ARSD: variants seen among roughly 807,000 people sequenced by gnomAD.
The protein encoded by ARSD is testis tissue sperm-binding protein Li 39a.
A neutral mutation model predicts 32.6 loss-of-function variants in ARSD; 21 were observed. The observed-to-expected ratio is 0.64, with a 90% CI of 0.46 to 0.93. ARSD has a LOEUF of 0.93. Among genes scored for constraint, ARSD ranks in the 40% least tolerant of loss-of-function variants. The pLI, the probability that ARSD is intolerant of heterozygous loss-of-function variation, is 0.00. For synonymous variants in ARSD, 224 were observed against 237.4 expected, an observed-to-expected ratio of 0.94 and a Z score of 0.52; for missense variants, 454 against 520.9, an observed-to-expected ratio of 0.87 and a Z score of 1.25.
chrX:2,908,473 CATCT>C lies in ARSD; in HGVS notation c.1420+244_1420+247del, dbSNP rs780518950. 3.7e-3 allele frequency among the ~76,000 whole-genome samples: 395 copies of C among 107,634 alleles called. 5 individuals are homozygous for C. Among genetic ancestry groups the C allele is most frequent in the African/African-American group, 0.013 (378 of 29,473 alleles). The allele number at this position is 107,634 out of a possible 115,157, so 93.5% of individuals were successfully genotyped here. On this transcript the variant is annotated intron_variant, in intron 9 of 9. Transcript: ENST00000381154. ...TATCTTATCTATCCATCATCCATCT[CATCT>C]ATCTATCTATCCATCATCTATCCAT... is the stretch of plus-strand genomic sequence containing the variant.
chrX:2,913,521 C>T (rs759736818), intron 6 of ARSD: 3 of 975,243 alleles, frequency 3.1e-6, no homozygotes, highest in Non-Finnish European at 2.7e-6. Context: ...CCAATCCCGC[C>T]CTATCACTAT....
chrX:2,909,102 A>ACACACACACC lies in ARSD; in HGVS notation c.1299-261_1299-260insGGTGTGTGTG, dbSNP rs1264670973. On this transcript the variant is annotated intron_variant, in intron 8 of 9. Transcript: ENST00000381154. ...AGTGCACACACACACACACACACAC[A>ACACACACACC]CCCCAACACACAGCACTGTCACCTT... Among the ~76,000 whole-genome samples the ACACACACACC allele has an allele frequency of 8.1e-5, 9 of 110,572 alleles. No individual in the cohort carries two copies. In the South Asian group the frequency reaches 1.5e-3, roughly 19 times the overall value.
chrX:2,923,369 G>C (rs192289053), intron 2 of ARSD: 1 of 176,717 alleles, frequency 5.7e-6, no homozygotes, highest in African/African-American at 3.1e-5. Flanking sequence ...AGCTACTCAG[G>C]AGGCTGAGGT....
intron 4 of ARSD, among the ~76,000 whole-genome samples, chrX:2,918,772 A>T (rs748014426): frequency 3.6e-5 from 4 of 110,669 alleles, no homozygotes; most frequent in African/African-American, 6.6e-5. Context: ...AGTAAAAATT[A>T]AAAAAAGTGA....
At chrX:2,918,918 A>C (rs2089002877) in intron 4 of ARSD, among the ~76,000 whole-genome samples, 1 of 110,210 alleles carries the variant, frequency 9.1e-6, no homozygotes, top group Non-Finnish European at 1.9e-5. Context: ...GTTCGAGACC[A>C]GCCTGGCCAA....
chrX:2,907,806 G>C (rs1313895978), intron 9 of ARSD, 174 bp from the exon 10 acceptor site: 1 of 1,016,094 alleles, frequency 9.8e-7, no homozygotes, highest in East Asian at 3.7e-5. Flanking sequence ...CAGAGCATGT[G>C]TGTGTGCGCG....
intron 2 of ARSD, among the ~76,000 whole-genome samples, chrX:2,924,578 T>G (rs1420200609): frequency 8.8e-6 from 1 of 113,331 alleles, no homozygotes; most frequent in Non-Finnish European, 1.9e-5. Flanking sequence ...TAGAGGCTAC[T>G]ACTCTGTGTT....
At position 2,917,878 on chromosome X, in the gene ARSD, G is replaced by A. The variant is rs765200568; in HGVS notation, c.789C>T (p.Asp263=). Residue 263 remains aspartate (D), a synonymous_variant, in exon 5 of 10, where the codon GAC becomes GAT. Transcript: ENST00000381154. ...CCAGAACCATGGGTTGCTCCGTGAC[G>A]TCATGGTTTCTCATCAGGATACAGT... ...RWNCILMRNH[D]VTEQPMVLEK... 1.2e-4 allele frequency: 148 copies of A among 1,210,700 alleles called. No individual in the cohort carries two copies. Among genetic ancestry groups the A allele is most frequent in the Non-Finnish European group, 1.6e-4 (144 of 895,176 alleles).
chrX:2,918,405 G>A (rs1284442093), intron 4 of ARSD, among the ~76,000 whole-genome samples, 178 bp from the exon 5 acceptor site: 7 of 112,848 alleles, frequency 6.2e-5, no homozygotes, highest in Non-Finnish European at 9.4e-5. Context: ...ATTCTGATCC[G>A]TGAAGACTAA....
intron 6 of ARSD, chrX:2,914,455 G>C (rs1168286209): frequency 2.9e-6 from 2 of 701,547 alleles, no homozygotes; most frequent in Non-Finnish European, 3.6e-6. Context: ...GCCCAGGCTG[G>C]TCTTGAACTC....
chrX:2,904,615 G>A lies in ARSD; in HGVS notation c.*2656C>T, dbSNP rs771030579. The A allele has an allele frequency of 1.7e-5, 2 of 117,348 alleles. No individual in the cohort carries two copies. Among genetic ancestry groups the A allele is most frequent in the East Asian group, 5.5e-4 (2 of 3,626 alleles). 9.7% of individuals were successfully genotyped at this position (117,348 alleles called of 1,213,427 possible). On this transcript the variant is annotated 3_prime_UTR_variant, in exon 10 of 10. Coordinates refer to ENST00000381154, the MANE Select transcript of ARSD (RefSeq NM_001669.4). ...CTGGAATGTCTATGTGCCATCTGGA[G>A]CTATGGCAGCCTTCTTGCAACCATG...
At chrX:2,913,851 G>T in intron 6 of ARSD, 1 of 534,230 alleles carries the variant, frequency 1.9e-6, no homozygotes, top group Non-Finnish European at 2.5e-6. Context: ...TCTCATGAAT[G>T]GTTGAGCACC....
In ARSD at chrX:2,908,636, A is replaced by G; in HGVS notation, c.1420+85T>C. 3 of 964,914 alleles carry G rather than the reference A, an allele frequency of 3.1e-6. No individual in the cohort carries two copies. In the South Asian group the frequency reaches 7.6e-5, roughly 24 times the overall value. 79.5% of individuals were successfully genotyped at this position (964,914 alleles called of 1,213,427 possible). On this transcript the variant is annotated intron_variant, in intron 9 of 9. Coordinates refer to ENST00000381154, the MANE Select transcript of ARSD (RefSeq NM_001669.4). The stretch of plus-strand genomic sequence containing the variant: ...CATCCATCCATCCATCCATTCATCC[A>G]TCCATCCATCCATCCATCCACATAT...
intron 8 of ARSD, 40 bp downstream of exon 8, chrX:2,909,777 T>G (rs765158997): frequency 4.6e-6 from 5 of 1,093,934 alleles, no homozygotes; most frequent in Admixed American, 6.6e-5. Flanking sequence ...TAAAAACAAT[T>G]AAAAAAAATC....
At chrX:2,928,718 G>A (rs1383083586) in intron 1 of ARSD, among the ~76,000 whole-genome samples, 1 of 80,718 alleles carries the variant, frequency 1.2e-5, no homozygotes, top group African/African-American at 4.8e-5. Context: ...AGTGGGGCGG[G>A]CAAGGCTACG....
intron 6 of ARSD, chrX:2,913,395 C>T: frequency 2.2e-6 from 1 of 454,272 alleles, no homozygotes; most frequent in Non-Finnish European, 2.7e-6. Flanking sequence ...CCCCCTCTTC[C>T]CGTTATGGCA....
rs979709523 is a variant in ARSD at position 2,922,126 on chromosome X, C to T, written c.195-102G>A. The T allele has an allele frequency of 7.9e-6, 8 of 1,009,463 alleles. No individual in the cohort carries two copies. In the African/African-American group the frequency reaches 9.6e-5, roughly 12 times the overall value. The allele number at this position is 1,009,463 out of a possible 1,213,427, so 83.2% of individuals were successfully genotyped here. A position where few individuals can be genotyped will look rare whatever the true frequency, so the allele number is the denominator to read the frequency against. On this transcript the variant is annotated intron_variant, in intron 2 of 9. Transcript: ENST00000381154. ...ACAGGAATAGCTGCAAGGACTTCAC[C>T]GGATTTCAGAATTAGTTGCATTATG... is the stretch of plus-strand genomic sequence containing the variant.
intron 3 of ARSD, 68 bp downstream of exon 3, chrX:2,921,835 A>G (rs1004961886): frequency 2.8e-5 from 32 of 1,141,442 alleles, no homozygotes; most frequent in Non-Finnish European, 3.7e-5. Flanking sequence ...TCAGTACTCA[A>G]CTGTTACAGA....
At chrX:2,921,836 CTG>C in intron 3 of ARSD, 65 bp downstream of exon 3, 2 of 1,146,415 alleles carry the variant, frequency 1.7e-6, no homozygotes, top group Non-Finnish European at 2.4e-6. Flanking sequence ...CAGTACTCAA[CTG>C]TTACAGATGA....
Sources: gnomAD v4.1 joint callset for allele counts (sites outside exome capture counted in the v4.1 genomes callset) on GRCh38, gnomAD v4.1.1 for gene constraint, MANE v1.5 for transcripts, NCBI Gene and HGNC (gene_info 2026-07-23, HGNC 2026-07-21) for gene names.